The following SERHL2 variants were observed in gnomAD, a reference collection of about 807,000 sequenced individuals.
SERHL2 encodes serine hydrolase like 2.
SERHL2 carries 29 observed loss-of-function variants against 25.5 expected under a neutral mutation model. That is an observed-to-expected ratio of 1.14 (90% CI 0.85 to 1.55). The LOEUF (loss-of-function observed/expected upper bound fraction) is 1.55. SERHL2 is among the 40% of genes most tolerant of loss of function. The pLI, the probability that SERHL2 is intolerant of heterozygous loss-of-function variation, is 0.00. For synonymous variants in SERHL2, 95 were observed against 103.5 expected (o/e 0.92, Z 0.50); for missense variants, 240 against 252.3 (o/e 0.95, Z 0.33).
chr22:42,572,207 A>G (rs1350732067), intron 10 of SERHL2, among the ~76,000 whole-genome samples: 1 of 152,062 alleles, frequency 6.6e-6, no homozygotes, highest in Non-Finnish European at 1.5e-5. Context: ...TGTGCCCCAG[A>G]AAGGCTGTGC....
At chr22:42,565,552 C>T (rs938602092) in intron 8 of SERHL2, among the ~76,000 whole-genome samples, 1 of 151,838 alleles carries the variant, frequency 6.6e-6, no homozygotes, top group African/African-American at 2.4e-5. Flanking sequence ...TCTTGAACTC[C>T]TGACCTCGTG....
intron 9 of SERHL2, among the ~76,000 whole-genome samples, chr22:42,568,950 C>A (rs1923777246): frequency 6.6e-6 from 1 of 151,496 alleles, no homozygotes. Flanking sequence ...GGTGGGATCT[C>A]AGCTCACTGC....
intron 8 of SERHL2, chr22:42,564,961 C>CGCGCGT (rs1555999457): frequency 7.0e-6 from 1 of 143,488 alleles, no homozygotes; most frequent in Non-Finnish European, 1.5e-5. Context: ...CCATGCTCGG[C>CGCGCGT]GCGCGCGTGT....
intron 9 of SERHL2, among the ~76,000 whole-genome samples, chr22:42,568,417 G>A (rs372892360): frequency 6.6e-6 from 1 of 151,598 alleles, no homozygotes; most frequent in Non-Finnish European, 1.5e-5. Context: ...CCTTGTGTGT[G>A]CTGACCTTCG....
intron 11 of SERHL2, among the ~76,000 whole-genome samples, chr22:42,573,000 C>T (rs2146770522): frequency 6.6e-6 from 1 of 151,946 alleles, no homozygotes; most frequent in South Asian, 2.1e-4. Flanking sequence ...TCCCAAACCA[C>T]AGCAGAATAC....
Position 42,562,405 on chromosome 22 carries a change from G to A in SERHL2, c.613+2140G>A, listed in dbSNP as rs145227256. On this transcript the variant is annotated intron_variant, in intron 8 of 11. Coordinates refer to ENST00000327678, the MANE Select transcript of SERHL2 (RefSeq NM_014509.5). ...GGGTCCAAGGTCAAGGCCTCGGCAG[G>A]GCTGGTTCCTTCTGAGGGCTGTGAG... Among the ~76,000 whole-genome samples the A allele has an allele frequency of 3.2e-3, 482 of 151,938 alleles. 3 individuals carry two copies. Among genetic ancestry groups the A allele is most frequent in the Non-Finnish European group, 5.0e-3 (341 of 67,912 alleles).
At chr22:42,560,105 C>T in intron 7 of SERHL2, 81 bp from the exon 8 acceptor site, 1 of 1,025,128 alleles carries the variant, frequency 9.8e-7, no homozygotes, top group African/African-American at 1.6e-5. Context: ...AGCCACCGTC[C>T]CCCCCGGCCC....
At chr22:42,560,376 C>G (rs1922537071) in intron 8 of SERHL2, 111 bp downstream of exon 8, 2 of 762,156 alleles carry the variant, frequency 2.6e-6, no homozygotes, top group African/African-American at 1.7e-5. Flanking sequence ...CAAACAGCAT[C>G]TCACTGAATC....
At chr22:42,560,159 A>T in intron 7 of SERHL2, 27 bp from the exon 8 acceptor site, 1 of 1,579,820 alleles carries the variant, frequency 6.3e-7, no homozygotes, top group Non-Finnish European at 8.7e-7. Flanking sequence ...GCCTCCAGGC[A>T]CCCAGCATCC....
intron 8 of SERHL2, chr22:42,563,350 T>G (rs759388977): frequency 2.0e-4 from 77 of 383,432 alleles, no homozygotes; most frequent in South Asian, 1.5e-3. Flanking sequence ...ACCACAAGTG[T>G]GCAGACCACA....
intron 9 of SERHL2, among the ~76,000 whole-genome samples, chr22:42,566,889 G>A (rs1346589011): frequency 6.6e-6 from 1 of 152,268 alleles, no homozygotes; most frequent in Non-Finnish European, 1.5e-5. Flanking sequence ...CCAGTGAGGG[G>A]CTGTAGGACC....
intron 9 of SERHL2, among the ~76,000 whole-genome samples, chr22:42,568,117 G>A (rs1923655899): frequency 6.6e-6 from 1 of 151,828 alleles, no homozygotes; most frequent in Admixed American, 6.6e-5. Context: ...TCAACCTCCT[G>A]GGCTGAAGTG....
At chr22:42,559,407 ATT>A (rs1487210459) in intron 7 of SERHL2, among the ~76,000 whole-genome samples, 4 of 151,392 alleles carry the variant, frequency 2.6e-5, no homozygotes, top group Admixed American at 2.0e-4. Flanking sequence ...CCCTGTCTCA[ATT>A]AGAATACAAG....
chr22:42,570,992 G>T (rs1924093117), intron 9 of SERHL2, 129 bp from the exon 10 acceptor site: 1 of 1,351,402 alleles, frequency 7.4e-7, no homozygotes, highest in Admixed American at 2.0e-5. Flanking sequence ...TGGGGTCCTG[G>T]GCTCAGACCC....
At chr22:42,570,966 C>T (rs1054016733) in intron 9 of SERHL2, among the ~76,000 whole-genome samples, 155 bp from the exon 10 acceptor site, 12 of 152,076 alleles carry the variant, frequency 7.9e-5, no homozygotes, top group Non-Finnish European at 1.8e-4. Context: ...AAAGAGCCTT[C>T]GATGAGGCAG....
At chr22:42,569,033 C>T (rs1392421894) in intron 9 of SERHL2, 1 of 151,804 alleles carries the variant, frequency 6.6e-6, no homozygotes, top group South Asian at 2.1e-4. Flanking sequence ...AGGCGCCCTC[C>T]ACCATGCTGG....
rs561904146 is a variant in SERHL2 at position 42,572,446 on chromosome 22, G to T, written c.742G>T (p.Gly248Ter). The T allele has an allele frequency of 1.8e-5, 29 of 1,609,996 alleles. No individual in the cohort carries two copies. The highest frequency in any genetic ancestry group is 2.5e-5 in the Non-Finnish European group (29 of 1,176,832). The change falls in exon 11 of 12, where the codon GGA becomes TGA. Residue 248 changes from glycine (G) to a stop codon, truncating the protein, a stop_gained. Transcript: ENST00000327678. LOFTEE classifies it high-confidence loss of function. ...CTCCTCACTTTCCAGAGCAGTCCAC[G>T]GATATTTTGATTCAAGACAGAATTA... ...AHVLLIKAVHGYFDSRQNYSE... is the reference protein window; with the variant it reads ...AHVLLIKAVH
chr22:42,569,538 G>A (rs1666259176), intron 9 of SERHL2: 1 of 151,892 alleles, frequency 6.6e-6, no homozygotes, highest in Non-Finnish European at 1.5e-5. Context: ...GGGATTACAG[G>A]CGTGAGTGAC....
chr22:42,564,849 T>C (rs1277787174), intron 8 of SERHL2, among the ~76,000 whole-genome samples: 2 of 151,738 alleles, frequency 1.3e-5, no homozygotes, highest in African/African-American at 4.8e-5. Flanking sequence ...CCAGACTGGA[T>C]TGCAGTGGCA....
Sources: gnomAD v4.1 joint callset for allele counts (sites outside exome capture counted in the v4.1 genomes callset) on GRCh38, gnomAD v4.1.1 for gene constraint, MANE v1.5 for transcripts, NCBI Gene and HGNC (gene_info 2026-07-23, HGNC 2026-07-21) for gene names.